FSTL4: variants seen among roughly 807,000 people sequenced by gnomAD.
FSTL4 encodes the protein follistatin like 4.
A neutral mutation model predicts 78.2 loss-of-function variants in FSTL4; 28 were observed. The ratio of observed to expected loss-of-function variants is 0.36; its 90% CI spans 0.27 to 0.49. The LOEUF (loss-of-function observed/expected upper bound fraction) is 0.49, where lower values mean the gene tolerates loss of function less well. Among genes scored for constraint, FSTL4 ranks in the 20% least tolerant of loss-of-function variants. The pLI is 0.98. For missense variants in FSTL4, 922 were observed against 1,084.9 expected (o/e 0.85, Z 2.11); for synonymous variants, 422 against 440.5 (o/e 0.96, Z 0.53).
chr5:133,613,190 C>G (rs909825337), upstream of FSTL4, among the ~76,000 whole-genome samples: 3 of 152,224 alleles, frequency 2.0e-5, no homozygotes, highest in African/African-American at 7.2e-5. Flanking sequence ...TTTCTGAATC[C>G]CTCTTTAACA....
chr5:133,777,981 C>T, the FSTL4 span, among the ~76,000 whole-genome samples: 1 of 152,228 alleles, frequency 6.6e-6, no homozygotes, highest in African/African-American at 2.4e-5. Flanking sequence ...ATAGAGATCC[C>T]ATTCCCCCAG....
the FSTL4 span, among the ~76,000 whole-genome samples, chr5:133,839,876 A>G: frequency 7.7e-3 from 1,177 of 152,348 alleles, 21 homozygotes; most frequent in African/African-American, 0.027. Context: ...ACTGTCTGCC[A>G]ATACACACGG....
the FSTL4 span, among the ~76,000 whole-genome samples, chr5:133,728,447 T>C: frequency 6.6e-6 from 1 of 152,222 alleles, no homozygotes; most frequent in Non-Finnish European, 1.5e-5. Context: ...GCATACGATT[T>C]GGAAACTAGG....
chr5:133,542,029 T>C (rs1025403052), intron 3 of FSTL4, among the ~76,000 whole-genome samples: 1 of 152,052 alleles, frequency 6.6e-6, no homozygotes, highest in Non-Finnish European at 1.5e-5. Context: ...ACTTCCCACT[T>C]TCCATATCTG....
chr5:133,406,697 A>C (rs1756371473), intron 3 of FSTL4, among the ~76,000 whole-genome samples: 1 of 152,258 alleles, frequency 6.6e-6, no homozygotes, highest in African/African-American at 2.4e-5. Context: ...GGCCATGTGT[A>C]AAGTGACTAT....
chr5:133,630,754 C>T, the FSTL4 span, among the ~76,000 whole-genome samples: 1 of 152,190 alleles, frequency 6.6e-6, no homozygotes, highest in Admixed American at 6.5e-5. Context: ...TACAAGGCTA[C>T]AGTAACCAAA....
intron 6 of FSTL4, among the ~76,000 whole-genome samples, chr5:133,273,147 C>T (rs1752803742): frequency 6.6e-6 from 1 of 152,164 alleles, no homozygotes; most frequent in African/African-American, 2.4e-5. Context: ...GAAGTGCTGT[C>T]CAATGGTATG....
intron 14 of FSTL4, among the ~76,000 whole-genome samples, chr5:133,205,753 A>G (rs1322703468): frequency 6.6e-6 from 1 of 150,414 alleles, no homozygotes; most frequent in Non-Finnish European, 1.5e-5. Context: ...AAAACTATGT[A>G]AACAGTGGTA....
intron 3 of FSTL4, among the ~76,000 whole-genome samples, chr5:133,475,366 C>T (rs562410794): frequency 1.3e-5 from 2 of 152,178 alleles, no homozygotes; most frequent in Non-Finnish European, 2.9e-5. Context: ...AGGCGGCGTC[C>T]GACCGTGGGA....
chr5:133,544,266 GTTGGAAAACATCCA>G (rs1759529664), intron 3 of FSTL4, among the ~76,000 whole-genome samples: 1 of 151,718 alleles, frequency 6.6e-6, no homozygotes, highest in Non-Finnish European at 1.5e-5. Context: ...CATTCTTCCT[GTTGGAAAACATCCA>G]TTAAAATTGC....
chr5:133,713,112 A>AC, the FSTL4 span, among the ~76,000 whole-genome samples: 1 of 152,190 alleles, frequency 6.6e-6, no homozygotes, highest in Non-Finnish European at 1.5e-5. Flanking sequence ...GCAAATCCAC[A>AC]CAAAACAGGT....
At chr5:133,673,046 G>A in the FSTL4 span, among the ~76,000 whole-genome samples, 1 of 152,180 alleles carries the variant, frequency 6.6e-6, no homozygotes, top group Admixed American at 6.5e-5. Context: ...TGGGGAGGGA[G>A]CTTCCAGGTC....
chr5:133,828,105 T>C, the FSTL4 span, among the ~76,000 whole-genome samples: 59,323 of 151,964 alleles, frequency 0.39, 12,900 homozygotes, highest in Non-Finnish European at 0.51. Context: ...CAGTGTTCAG[T>C]CACCCTCCTC....
chr5:133,451,212 T>G (rs12521332), intron 3 of FSTL4, among the ~76,000 whole-genome samples: 10,962 of 152,238 alleles, frequency 0.072, 446 homozygotes, highest in South Asian at 0.14. Context: ...TGAGGGTCAC[T>G]GTTTCCCTTC....
At chr5:133,730,537 T>C in the FSTL4 span, among the ~76,000 whole-genome samples, 2 of 152,286 alleles carry the variant, frequency 1.3e-5, no homozygotes, top group Admixed American at 1.3e-4. Context: ...CACTCCTGAT[T>C]CTACACAAGT....
intron 4 of FSTL4, among the ~76,000 whole-genome samples, chr5:133,344,335 T>A (rs1205734392): frequency 6.6e-6 from 1 of 152,244 alleles, no homozygotes; most frequent in African/African-American, 2.4e-5. Context: ...CATTACATTC[T>A]GTAACTATAA....
chr5:133,664,319 T>C, the FSTL4 span, among the ~76,000 whole-genome samples: 2 of 135,022 alleles, frequency 1.5e-5, no homozygotes, highest in Admixed American at 1.4e-4. Context: ...TCTTTTTTTT[T>C]TAAAAAAAAT....
the FSTL4 span, among the ~76,000 whole-genome samples, chr5:133,694,931 C>T: frequency 6.6e-6 from 1 of 152,198 alleles, no homozygotes; most frequent in Non-Finnish European, 1.5e-5. Flanking sequence ...GAAGTCCCCA[C>T]TTCCTAATAC....
At chr5:133,790,960 GC>G in the FSTL4 span, among the ~76,000 whole-genome samples, 6 of 152,066 alleles carry the variant, frequency 3.9e-5, no homozygotes, top group African/African-American at 1.5e-4. Context: ...TAAAACAGAA[GC>G]CCCCATCTCA....
Sources: gnomAD v4.1 joint callset for allele counts (sites outside exome capture counted in the v4.1 genomes callset) on GRCh38, gnomAD v4.1.1 for gene constraint, MANE v1.5 for transcripts, NCBI Gene and HGNC (gene_info 2026-07-23, HGNC 2026-07-21) for gene names.